Variants in KDM1B observed in about 807,000 individuals in gnomAD.
KDM1B encodes the protein lysine-specific histone demethylase 2.
A neutral mutation model predicts 107.4 loss-of-function variants in KDM1B; 63 were observed. The observed-to-expected ratio is 0.59, with a 90% CI of 0.48 to 0.72. KDM1B has a LOEUF of 0.72. Among genes scored for constraint, KDM1B ranks in the 30% least tolerant of loss-of-function variants. The probability of loss-of-function intolerance (pLI) is 0.00; values close to 1 mark genes in which losing one functional copy is unlikely to be tolerated. For missense variants in KDM1B, 749 were observed against 1,020.8 expected, an observed-to-expected ratio of 0.73 and a Z score of 3.63; for synonymous variants, 363 against 363.9, an observed-to-expected ratio of 1.00 and a Z score of 0.03.
chr6:18,207,540 A>T lies in KDM1B; in HGVS notation c.1791+11A>T. 6.2e-7 allele frequency: 1 copy of T among 1,613,954 alleles called. No individual in the cohort carries two copies. Among genetic ancestry groups the T allele is most frequent in the Non-Finnish European group, 8.5e-7 (1 of 1,179,792 alleles). On this transcript the variant is annotated intron_variant, in intron 16 of 21. Coordinates refer to ENST00000650836, the MANE Select transcript of KDM1B (RefSeq NM_001364614.2). Reference sequence around the variant, plus strand: ...CAACTCAAATCTCCAGTGAGTATCAACTGCTGGGAGGCTCTGGCTCGCCTT... The same window carrying T: ...CAACTCAAATCTCCAGTGAGTATCATCTGCTGGGAGGCTCTGGCTCGCCTT...
chr6:18,165,366 G>A (rs1379408640), intron 5 of KDM1B, among the ~76,000 whole-genome samples: 1 of 151,642 alleles, frequency 6.6e-6, no homozygotes, highest in Non-Finnish European at 1.5e-5. Flanking sequence ...TCCTGACCTG[G>A]TGATCTGCCT....
chr6:18,170,153 C>G (rs1785561795), intron 6 of KDM1B, among the ~76,000 whole-genome samples: 1 of 152,122 alleles, frequency 6.6e-6, no homozygotes, highest in Non-Finnish European at 1.5e-5. Context: ...TCAGGTGATT[C>G]ACCTGCCTCA....
intron 10 of KDM1B, among the ~76,000 whole-genome samples, chr6:18,195,192 G>A (rs1787561258): frequency 6.6e-6 from 1 of 152,080 alleles, no homozygotes; most frequent in African/African-American, 2.4e-5. Context: ...GTCCACTGAT[G>A]GGCTTTGAAT....
intron 7 of KDM1B, among the ~76,000 whole-genome samples, chr6:18,176,657 A>G (rs547681146): frequency 6.6e-6 from 1 of 152,214 alleles, no homozygotes; most frequent in East Asian, 1.9e-4. Context: ...GAGAGTTTTA[A>G]TCATAAAGCG....
intron 12 of KDM1B, among the ~76,000 whole-genome samples, chr6:18,199,008 G>GAAAAAAAAA (rs70974711): frequency 4.1e-3 from 303 of 74,638 alleles, no homozygotes; most frequent in Non-Finnish European, 6.4e-3. Context: ...GTCTCTACCA[G>GAAAAAAAAA]AAAAAAAAAA....
chr6:18,212,625 C>T lies in KDM1B; in HGVS notation c.1983+21C>T. ...AAAAGGTGACTGAAATGACCTCATCCTCAGCAAGAAAGAGATTAATGTCAG... is the reference window on the plus strand; with the variant it reads ...AAAAGGTGACTGAAATGACCTCATCTTCAGCAAGAAAGAGATTAATGTCAG... On this transcript the variant is annotated intron_variant, in intron 18 of 21. Transcript: ENST00000650836. This position sits in a 1 kb window ranked among gnomAD's most constrained non-coding sequence, Gnocchi z 5.2. 1.4e-6 allele frequency: 2 copies of T among 1,451,632 alleles called. No individual in the cohort carries two copies. Among genetic ancestry groups the T allele is most frequent in the Non-Finnish European group, 1.9e-6 (2 of 1,031,842 alleles). The allele number at this position is 1,451,632 out of a possible 1,614,324, so 89.9% of individuals were successfully genotyped here. A position where few individuals can be genotyped will look rare whatever the true frequency, so the allele number is the denominator to read the frequency against.
At chr6:18,168,561 G>T (rs1785467645) in intron 6 of KDM1B, among the ~76,000 whole-genome samples, 1 of 152,174 alleles carries the variant, frequency 6.6e-6, no homozygotes, top group South Asian at 2.1e-4. Context: ...GAATAGTGCT[G>T]CAGTGAACAT....
At position 18,197,950 on chromosome 6, in the gene KDM1B, G is replaced by A. The variant is rs1468106538; in HGVS notation, c.1221+289G>A. Among the ~76,000 whole-genome samples the A allele has an allele frequency of 7.8e-6, 1 of 128,084 alleles. No homozygotes were observed. Among genetic ancestry groups the A allele is most frequent in the Non-Finnish European group, 1.5e-5 (1 of 65,512 alleles). 84.0% of individuals were successfully genotyped at this position (128,084 alleles called of 152,430 possible). A position where few individuals can be genotyped will look rare whatever the true frequency, so the allele number is the denominator to read the frequency against. On this transcript the variant is annotated intron_variant, in intron 12 of 21. Coordinates refer to ENST00000650836, the MANE Select transcript of KDM1B (RefSeq NM_001364614.2). The surrounding 1 kb of genome is among the most constrained non-coding windows in gnomAD (Gnocchi z 4.5). ...CTTTTTTTTTTTTTTTTTTGAGACA[G>A]AGTCTTGCTCTGTCGCCCAGGCTGG...
In KDM1B at chr6:18,211,955, T is replaced by G. The variant is rs188339112; in HGVS notation, c.1867-533T>G. On this transcript the variant is annotated intron_variant, in intron 17 of 21. Transcript: ENST00000650836. This position sits in a 1 kb window ranked among gnomAD's most constrained non-coding sequence, Gnocchi z 5.2. The stretch of plus-strand genomic sequence containing the variant: ...TACTGCTTTTCGGGGTTTTGTTTTT[T>G]TTTTTTTTTTGAGACAGTCTCGCTC... The G allele has an allele frequency of 1.6e-3, 255 of 158,164 alleles. No homozygotes were observed. Among genetic ancestry groups the G allele is most frequent in the African/African-American group, 5.8e-3 (240 of 41,408 alleles). The allele number at this position is 158,164 out of a possible 1,614,324, so 9.8% of individuals were successfully genotyped here. A position where few individuals can be genotyped will look rare whatever the true frequency, so the allele number is the denominator to read the frequency against.
intron 21 of KDM1B, among the ~76,000 whole-genome samples, chr6:18,220,669 C>T (rs1023796006): frequency 6.6e-6 from 1 of 152,182 alleles, no homozygotes; most frequent in East Asian, 1.9e-4. Context: ...TCAGCAGCTT[C>T]GGAGAGACGG....
chr6:18,177,643 A>C (rs1049664599), intron 7 of KDM1B, among the ~76,000 whole-genome samples: 6 of 151,924 alleles, frequency 3.9e-5, no homozygotes, highest in Non-Finnish European at 8.8e-5. Context: ...TCTTGGCCTC[A>C]AGTGATCCTC....
chr6:18,162,038 G>C lies in KDM1B; in HGVS notation c.215+584G>C, dbSNP rs1211912060. ...TCCTATTTGTTTTTAAACACAAAGA[G>C]GGCCAGGCATGGTGGCATGCGCCTG... On this transcript the variant is annotated intron_variant, in intron 4 of 21. Transcript: ENST00000650836. This position sits in a 1 kb window ranked among gnomAD's most constrained non-coding sequence, Gnocchi z 4.1. Among the ~76,000 whole-genome samples the C allele has an allele frequency of 1.3e-5, 2 of 151,944 alleles. No homozygotes were observed. The highest frequency in any genetic ancestry group is 2.1e-4 in the South Asian group (1 of 4,822).
intron 6 of KDM1B, 46 bp downstream of exon 6, chr6:18,166,424 A>G (rs1785298943): frequency 9.4e-7 from 1 of 1,066,522 alleles, no homozygotes; most frequent in Non-Finnish European, 1.5e-6. Flanking sequence ...TGTGGAGCCA[A>G]ATGCAAGAGG....
chr6:18,177,813 C>G (rs976485677), intron 7 of KDM1B, among the ~76,000 whole-genome samples: 2 of 152,070 alleles, frequency 1.3e-5, no homozygotes, highest in African/African-American at 4.8e-5. Flanking sequence ...TGGGACATAG[C>G]CATGCTCATT....
In KDM1B at chr6:18,166,244, TATTA is replaced by T; in HGVS notation, c.306-19_306-16del. The T allele has an allele frequency of 1.9e-6, 2 of 1,076,366 alleles. No individual in the cohort carries two copies. The highest frequency in any genetic ancestry group is 2.5e-5 in the South Asian group (2 of 80,270). 66.7% of individuals were successfully genotyped at this position (1,076,366 alleles called of 1,614,324 possible). On this transcript the variant is annotated intron_variant, in intron 5 of 21. Coordinates refer to ENST00000650836, the MANE Select transcript of KDM1B (RefSeq NM_001364614.2). ...ATAGCAATCGATATATTAATCGATA[TATTA>T]ATTTTTCTTGTTTTTCAGCCATAAG...
At chr6:18,165,341 A>G (rs1041990759) in intron 5 of KDM1B, among the ~76,000 whole-genome samples, 1 of 151,322 alleles carries the variant, frequency 6.6e-6, no homozygotes, top group Non-Finnish European at 1.5e-5. Flanking sequence ...TGTGTTAGCC[A>G]GGATGGTCTC....
chr6:18,166,151 CAA>C, intron 5 of KDM1B, 114 bp from the exon 6 acceptor site: 1 of 585,168 alleles, frequency 1.7e-6, no homozygotes, highest in Non-Finnish European at 3.1e-6. Flanking sequence ...ACTTTTATAA[CAA>C]GGCTAGTTAT....
rs954394253 is a variant in KDM1B, at chr6:18,203,256, G to A, written c.1531+1599G>A. 1.3e-5 allele frequency among the ~76,000 whole-genome samples: 2 copies of A among 152,126 alleles called. No homozygotes were observed. Among genetic ancestry groups the A allele is most frequent in the African/African-American group, 4.8e-5 (2 of 41,418 alleles). On this transcript the variant is annotated intron_variant, in intron 14 of 21. Coordinates refer to ENST00000650836, the MANE Select transcript of KDM1B (RefSeq NM_001364614.2). The surrounding 1 kb of genome is among the most constrained non-coding windows in gnomAD (Gnocchi z 5.5). ...CTCGCCACTGCACCTCAGCTTGGGT[G>A]ACATAGTGAGACACTGTCTCACAAA...
intron 3 of KDM1B, among the ~76,000 whole-genome samples, chr6:18,160,268 G>A (rs550726024): frequency 6.6e-6 from 1 of 152,290 alleles, no homozygotes; most frequent in East Asian, 1.9e-4. Flanking sequence ...GTGAGGCTGG[G>A]GCCAGATCAT....
Sources: allele counts gnomAD v4.1 joint callset (sites outside exome capture counted in the v4.1 genomes callset), GRCh38; gene constraint gnomAD v4.1.1; non-coding constraint Gnocchi (gnomAD v3.1); transcripts MANE v1.5; gene names NCBI Gene and HGNC (gene_info 2026-07-23, HGNC 2026-07-21).